Variants in NEK11 observed in about 807,000 individuals in gnomAD.
NEK11 encodes the protein NIMA related kinase 11.
In NEK11, 72 loss-of-function variants were observed where a neutral mutation model predicts 80.7. The observed-to-expected ratio is 0.89, with a 90% CI of 0.74 to 1.08. NEK11 has a LOEUF of 1.08. Ranked by LOEUF, NEK11 falls within the 50% of genes least tolerant of loss-of-function variation. The pLI is 0.00. For missense variants in NEK11, 764 were observed against 763.6 expected, an observed-to-expected ratio of 1.00 and a Z score of -0.01; for synonymous variants, 251 against 260.7, an observed-to-expected ratio of 0.96 and a Z score of 0.36.
intron 3 of NEK11, among the ~76,000 whole-genome samples, chr3:131,044,451 G>C (rs541389532): frequency 6.7e-6 from 1 of 149,232 alleles, no homozygotes; most frequent in African/African-American, 2.5e-5. Flanking sequence ...AAAGGTGGGG[G>C]GGGGGGTTGG....
At chr3:131,153,813 A>G (rs1293683898) in intron 9 of NEK11, among the ~76,000 whole-genome samples, 4 of 152,228 alleles carry the variant, frequency 2.6e-5, no homozygotes, top group Non-Finnish European at 5.9e-5. Context: ...AGAAAAAGTA[A>G]GGATGTAAAT....
intron 3 of NEK11, among the ~76,000 whole-genome samples, chr3:131,059,702 T>G (rs2070448510): frequency 6.6e-6 from 1 of 152,244 alleles, no homozygotes; most frequent in Non-Finnish European, 1.5e-5. Context: ...TTAGTTCTTT[T>G]AAGTGTTTCT....
intron 14 of NEK11, among the ~76,000 whole-genome samples, chr3:131,185,246 G>A (rs543878942): frequency 1.3e-5 from 2 of 152,228 alleles, no homozygotes; most frequent in South Asian, 2.1e-4. Context: ...CAGATAATAG[G>A]ACAGAGTTAG....
intron 4 of NEK11, among the ~76,000 whole-genome samples, chr3:131,087,716 G>A (rs991912290): frequency 5.3e-5 from 8 of 152,142 alleles, no homozygotes; most frequent in East Asian, 1.9e-4. Context: ...TCTCTAGTGC[G>A]TGTCAATAGA....
At chr3:131,140,087 G>A (rs2086554877) in intron 7 of NEK11, among the ~76,000 whole-genome samples, 1 of 152,168 alleles carries the variant, frequency 6.6e-6, no homozygotes, top group Non-Finnish European at 1.5e-5. Context: ...TTTTTATAAT[G>A]TGATGTTGAC....
At chr3:131,206,741 A>G (rs1469529068) in intron 14 of NEK11, among the ~76,000 whole-genome samples, 1 of 152,180 alleles carries the variant, frequency 6.6e-6, no homozygotes, top group East Asian at 1.9e-4. Flanking sequence ...ACATATGTAT[A>G]CATGTGCCAT....
intron 3 of NEK11, among the ~76,000 whole-genome samples, chr3:131,038,157 TA>T (rs1214262666): frequency 2.6e-5 from 4 of 152,080 alleles, no homozygotes; most frequent in African/African-American, 9.7e-5. Flanking sequence ...ATACTAAAAT[TA>T]ATATTAAAAA....
chr3:131,057,801 T>A (rs1412665360), intron 3 of NEK11, among the ~76,000 whole-genome samples: 1 of 151,234 alleles, frequency 6.6e-6, no homozygotes, highest in Non-Finnish European at 1.5e-5. Context: ...CTTTGTCAGA[T>A]GAGTAGGTTG....
chr3:131,173,173 G>C (rs572178115), intron 14 of NEK11, among the ~76,000 whole-genome samples: 3 of 152,260 alleles, frequency 2.0e-5, no homozygotes, highest in East Asian at 3.9e-4. Flanking sequence ...TGCTCATGGA[G>C]TAATCACTCT....
intron 17 of NEK11, among the ~76,000 whole-genome samples, chr3:131,274,611 C>T (rs1162019543): frequency 6.8e-6 from 1 of 147,766 alleles, no homozygotes; most frequent in East Asian, 2.0e-4. Context: ...CACATCCTCT[C>T]CAGCACCTGT....
chr3:131,279,878 G>T (rs1255924632), intron 17 of NEK11, among the ~76,000 whole-genome samples: 1 of 152,166 alleles, frequency 6.6e-6, no homozygotes, highest in Non-Finnish European at 1.5e-5. Context: ...GGTCCCGAAG[G>T]TTTCTGTCCC....
chr3:131,273,423 C>G, intron 16 of NEK11, 55 bp from the exon 17 acceptor site: 1 of 1,394,854 alleles, frequency 7.2e-7, no homozygotes, highest in Non-Finnish European at 1.0e-6. Context: ...TGAACATCGC[C>G]TTGAAGTTGC....
intron 3 of NEK11, among the ~76,000 whole-genome samples, chr3:131,078,952 A>G (rs1405541039): frequency 1.3e-5 from 2 of 148,310 alleles, no homozygotes; most frequent in East Asian, 3.9e-4. Context: ...AGTTTTCTAG[A>G]TTTATTTTCT....
rs550889454 is a variant in NEK11, at chr3:131,153,617, A to AC, written c.876+909dup. On this transcript the variant is annotated intron_variant, in intron 9 of 17. Coordinates refer to ENST00000383366, the MANE Select transcript of NEK11 (RefSeq NM_024800.5). The stretch of plus-strand genomic sequence containing the variant: ...CACAAAATGGTCATCCACTTTAAAA[A>AC]CTGTGGGTACCTTTTCATCAGTGGG... Among the ~76,000 whole-genome samples the AC allele has an allele frequency of 2.9e-3, 449 of 152,242 alleles. 1 individual carries two copies. Among genetic ancestry groups the AC allele is most frequent in the Middle Eastern group, 6.8e-3 (2 of 294 alleles).
At chr3:131,040,192 A>G (rs1457190366) in intron 3 of NEK11, among the ~76,000 whole-genome samples, 3 of 152,180 alleles carry the variant, frequency 2.0e-5, no homozygotes, top group Non-Finnish European at 4.4e-5. Flanking sequence ...AGATACTCTT[A>G]TAAGCCCTAG....
intron 14 of NEK11, 91 bp from the exon 15 acceptor site, chr3:131,228,437 A>G (rs1561084502): frequency 8.4e-7 from 1 of 1,194,216 alleles, no homozygotes. Flanking sequence ...CAACGCAAGC[A>G]AAATATACAT....
Position 131,265,718 on chromosome 3 carries a change from AT to A in NEK11, c.1622-7759del, listed in dbSNP as rs551205764. On this transcript the variant is annotated intron_variant, in intron 16 of 17. Transcript: ENST00000383366. ...TCTACCAGGTTTTGGTATCAGGATG[AT>A]GCTGGCCTCATAAAAAGTCAGGGAG... Among the ~76,000 whole-genome samples, 23 of 152,248 alleles carry A rather than the reference AT, an allele frequency of 1.5e-4. 1 individual carries two copies. The South Asian group carries it at 4.8e-3, about 32-fold the overall frequency.
At chr3:131,203,610 C>T (rs967384580) in intron 14 of NEK11, among the ~76,000 whole-genome samples, 27 of 148,998 alleles carry the variant, frequency 1.8e-4, no homozygotes, top group Admixed American at 4.0e-4. Flanking sequence ...GCTTCAGCTC[C>T]GCTGAAACAA....
chr3:131,290,444 G>A (rs888964598), intron 17 of NEK11, among the ~76,000 whole-genome samples: 12 of 152,324 alleles, frequency 7.9e-5, no homozygotes, highest in Non-Finnish European at 1.5e-4. Flanking sequence ...AAATTGTGAT[G>A]TTCTCCATGG....
Sources: allele counts gnomAD v4.1 joint callset (sites outside exome capture counted in the v4.1 genomes callset), GRCh38; gene constraint gnomAD v4.1.1; transcripts MANE v1.5; gene names NCBI Gene and HGNC (gene_info 2026-07-23, HGNC 2026-07-21).